The following PDE1C variants were observed in gnomAD, a reference collection of about 807,000 sequenced individuals.
The protein encoded by PDE1C is dual specificity calcium/calmodulin-dependent 3',5'-cyclic nucleotide phosphodiesterase 1C.
In PDE1C, 62 loss-of-function variants were observed where a neutral mutation model predicts 93.1. That is an observed-to-expected ratio of 0.67 (90% confidence interval 0.54 to 0.82). The LOEUF (loss-of-function observed/expected upper bound fraction) is 0.82. Ranked by LOEUF, PDE1C falls within the 40% of genes least tolerant of loss-of-function variation. PDE1C has a pLI of 0.00. For missense variants in PDE1C, 742 were observed against 884.6 expected (o/e 0.84, Z 2.04); for synonymous variants, 325 against 310.1 (o/e 1.05, Z -0.50).
chr7:31,658,526 G>A, the PDE1C span: 2 of 617,918 alleles, frequency 3.2e-6, no homozygotes, highest in Non-Finnish European at 4.8e-6. Context: ...GTGTTTTCAT[G>A]TGGAATGGTG....
intron 17 of PDE1C, among the ~76,000 whole-genome samples, chr7:31,774,487 CTA>C: frequency 6.6e-6 from 1 of 152,120 alleles, no homozygotes; most frequent in Non-Finnish European, 1.5e-5. Flanking sequence ...TGTCAGGAAC[CTA>C]TATATGTCTG....
intron 2 of PDE1C, among the ~76,000 whole-genome samples, chr7:31,911,884 T>G (rs1229906130): frequency 6.6e-6 from 1 of 152,222 alleles, no homozygotes; most frequent in Non-Finnish European, 1.5e-5. Context: ...TGCTGCCTGT[T>G]GTCCATACCT....
chr7:31,678,934 A>G, the PDE1C span, among the ~76,000 whole-genome samples: 3 of 152,198 alleles, frequency 2.0e-5, no homozygotes, highest in African/African-American at 7.2e-5. Context: ...TGACCTCAAA[A>G]GCAAAAGGAT....
intron 1 of PDE1C, among the ~76,000 whole-genome samples, chr7:32,307,722 T>C (rs1813047091): frequency 6.6e-6 from 1 of 152,134 alleles, no homozygotes; most frequent in African/African-American, 2.4e-5. Flanking sequence ...ACCACTGTGA[T>C]GTAAATTTTA....
intron 9 of PDE1C, among the ~76,000 whole-genome samples, chr7:31,844,453 C>T (rs28498224): frequency 6.6e-6 from 1 of 151,368 alleles, no homozygotes. Context: ...TTTTTGTTTT[C>T]TTTTTAGCAC....
At chr7:32,082,319 C>A (rs4339533) in intron 3 of PDE1C, among the ~76,000 whole-genome samples, 2 of 144,096 alleles carry the variant, frequency 1.4e-5, no homozygotes, top group African/African-American at 2.6e-5. Context: ...GAGGGGCGCC[C>A]GCCATTGCCC....
chr7:31,839,100 CAT>C (rs1401922396), intron 9 of PDE1C, among the ~76,000 whole-genome samples: 1 of 147,610 alleles, frequency 6.8e-6, no homozygotes, highest in Non-Finnish European at 1.5e-5. Context: ...CATAGATACA[CAT>C]ATATGTATTA....
intron 2 of PDE1C, among the ~76,000 whole-genome samples, chr7:31,975,857 C>G (rs73314672): frequency 0.039 from 5,945 of 152,236 alleles, 408 homozygotes; most frequent in African/African-American, 0.14. Context: ...GAATACCAGA[C>G]AGGCTAAGAA....
the PDE1C span, among the ~76,000 whole-genome samples, chr7:31,620,476 C>G: frequency 9.3e-5 from 14 of 151,248 alleles, no homozygotes; most frequent in South Asian, 2.1e-4. Context: ...CTGCAGACAC[C>G]ACTGCTGATA....
At chr7:32,183,671 A>C (rs1181926600) in intron 2 of PDE1C, among the ~76,000 whole-genome samples, 3 of 152,334 alleles carry the variant, frequency 2.0e-5, no homozygotes, top group East Asian at 1.9e-4. Flanking sequence ...TAAAGACTTA[A>C]ACGTTAGACC....
intron 7 of PDE1C, among the ~76,000 whole-genome samples, chr7:31,852,175 T>C (rs1407674364): frequency 6.6e-6 from 1 of 152,186 alleles, no homozygotes; most frequent in Non-Finnish European, 1.5e-5. Flanking sequence ...CTTTAAAAAT[T>C]GGTAAGGGGA....
At chr7:32,135,990 A>C (rs1800185508) in intron 3 of PDE1C, among the ~76,000 whole-genome samples, 1 of 152,206 alleles carries the variant, frequency 6.6e-6, no homozygotes, top group South Asian at 2.1e-4. Flanking sequence ...TGAACCTGGA[A>C]GACTATGCTA....
At chr7:32,138,698 T>A (rs1017852462) in intron 3 of PDE1C, among the ~76,000 whole-genome samples, 8 of 152,162 alleles carry the variant, frequency 5.3e-5, no homozygotes, top group Non-Finnish European at 8.8e-5. Context: ...TCACTGCAAA[T>A]GTAGTTTTGT....
intron 2 of PDE1C, among the ~76,000 whole-genome samples, chr7:31,918,310 A>T (rs1802183605): frequency 6.6e-6 from 1 of 152,200 alleles, no homozygotes; most frequent in African/African-American, 2.4e-5. Context: ...AATACCTCAC[A>T]CTACACGAAT....
intron 3 of PDE1C, among the ~76,000 whole-genome samples, chr7:32,136,652 T>C (rs574014448): frequency 6.6e-6 from 1 of 152,310 alleles, no homozygotes; most frequent in East Asian, 1.9e-4. Flanking sequence ...TTCTAATGCA[T>C]ATTTAGTTAT....
chr7:32,171,133 C>A (rs759459065), intron 2 of PDE1C, among the ~76,000 whole-genome samples: 11 of 152,210 alleles, frequency 7.2e-5, no homozygotes, highest in Non-Finnish European at 1.5e-4. Flanking sequence ...GAAGCCCTCT[C>A]CTGGGAACTG....
At chr7:32,089,955 G>A (rs778580483) in intron 3 of PDE1C, among the ~76,000 whole-genome samples, 49 of 152,146 alleles carry the variant, frequency 3.2e-4, no homozygotes, top group Non-Finnish European at 6.2e-4. Flanking sequence ...ACTAAGGCAG[G>A]ACAAAAATAG....
intron 2 of PDE1C, among the ~76,000 whole-genome samples, chr7:31,966,054 C>T (rs372904527): frequency 1.1e-4 from 16 of 152,222 alleles, no homozygotes; most frequent in East Asian, 5.8e-4. Context: ...CATCAACTAA[C>T]GAGCAAAATG....
chr7:32,229,477 T>C (rs1193719362), intron 1 of PDE1C, among the ~76,000 whole-genome samples: 1 of 152,230 alleles, frequency 6.6e-6, no homozygotes, highest in African/African-American at 2.4e-5. Flanking sequence ...GAGTACCCTG[T>C]TGGTCAGTGG....
Sources: allele counts gnomAD v4.1 joint callset (sites outside exome capture counted in the v4.1 genomes callset), GRCh38; gene constraint gnomAD v4.1.1; transcripts MANE v1.5; gene names NCBI Gene and HGNC (gene_info 2026-07-23, HGNC 2026-07-21).